The following MAP2K5 variants were observed in gnomAD, a reference collection of about 807,000 sequenced individuals.
MAP2K5 encodes mitogen-activated protein kinase kinase 5, also known as dual specificity mitogen-activated protein kinase kinase 5.
In MAP2K5, 49 loss-of-function variants were observed where a neutral mutation model predicts 83.1. That is an observed-to-expected ratio of 0.59 (90% CI 0.47 to 0.75). The LOEUF (loss-of-function observed/expected upper bound fraction) is 0.75. Among genes scored for constraint, MAP2K5 ranks in the 30% least tolerant of loss-of-function variants. The pLI, the probability that MAP2K5 is intolerant of heterozygous loss-of-function variation, is 0.00. For synonymous variants in MAP2K5, 202 were observed against 191.8 expected (o/e 1.05, Z -0.44); for missense variants, 457 against 557.5 (o/e 0.82, Z 1.82).
At chr15:67,705,956 G>A (rs544749010) in intron 16 of MAP2K5, among the ~76,000 whole-genome samples, 2 of 152,226 alleles carry the variant, frequency 1.3e-5, no homozygotes, top group South Asian at 2.1e-4. Context: ...TAGAGAGGTA[G>A]CCAGGGGCCA....
intron 3 of MAP2K5, among the ~76,000 whole-genome samples, chr15:67,578,428 C>T (rs2085109755): frequency 6.6e-6 from 1 of 152,198 alleles, no homozygotes; most frequent in African/African-American, 2.4e-5. Context: ...TGATTACCTC[C>T]CTTTACAGCA....
Position 67,802,302 on chromosome 15 carries a change from A to G in MAP2K5, c.1243-4344A>G, listed in dbSNP as rs1489997152. The stretch of plus-strand genomic sequence containing the variant: ...TGAGAGGGAGCGGTGAGCAACCACA[A>G]TTCATCTTCATGACTATGATATTTT... On this transcript the variant is annotated intron_variant, in intron 21 of 21. Coordinates refer to ENST00000178640, the MANE Select transcript of MAP2K5 (RefSeq NM_145160.3). This position sits in a 1 kb window ranked among gnomAD's most constrained non-coding sequence, Gnocchi z 5.0. Among the ~76,000 whole-genome samples, 4 of 150,756 alleles carry G rather than the reference A, an allele frequency of 2.7e-5. No individual in the cohort carries two copies. Among genetic ancestry groups the G allele is most frequent in the African/African-American group, 5.0e-5 (2 of 40,052 alleles).
intron 7 of MAP2K5, among the ~76,000 whole-genome samples, chr15:67,600,188 T>C (rs2085624284): frequency 6.6e-6 from 1 of 152,234 alleles, no homozygotes; most frequent in Non-Finnish European, 1.5e-5. Flanking sequence ...CTATATCTAC[T>C]CTAGGAAAAT....
intron 8 of MAP2K5, among the ~76,000 whole-genome samples, chr15:67,623,311 A>G (rs1255296686): frequency 6.6e-6 from 1 of 152,206 alleles, no homozygotes. Flanking sequence ...AGAGATAAAC[A>G]TGGTAAGAAA....
intron 3 of MAP2K5, among the ~76,000 whole-genome samples, chr15:67,574,519 C>T (rs1327275180): frequency 6.6e-6 from 1 of 150,968 alleles, no homozygotes; most frequent in Non-Finnish European, 1.5e-5. Context: ...TTGTATTGAG[C>T]CAGGATCGCA....
Position 67,748,487 on chromosome 15 carries a change from A to G in MAP2K5, c.1102-82A>G. On this transcript the variant is annotated intron_variant, in intron 18 of 21. Coordinates refer to ENST00000178640, the MANE Select transcript of MAP2K5 (RefSeq NM_145160.3). The surrounding 1 kb of genome is among the most constrained non-coding windows in gnomAD (Gnocchi z 4.0). ...GATTAATCTTGCTATATTTTATTGCATTAATGATTTTTTCTTTCCACTCCA... is the reference window on the plus strand; with the variant it reads ...GATTAATCTTGCTATATTTTATTGCGTTAATGATTTTTTCTTTCCACTCCA... The G allele has an allele frequency of 8.4e-7, 1 of 1,188,516 alleles. No individual in the cohort carries two copies. Among genetic ancestry groups the G allele is most frequent in the Non-Finnish European group, 1.2e-6 (1 of 808,994 alleles). 73.6% of individuals were successfully genotyped at this position (1,188,516 alleles called of 1,614,324 possible).
rs938316068 is a variant in MAP2K5 at position 67,644,691 on chromosome 15, G to A, written c.586-1540G>A. ...GCTCTGTGGCTCCCAGGAGGGAAAC[G>A]TGGTTTCCTCCTCACTCAAAAGAAG... On this transcript the variant is annotated intron_variant, in intron 9 of 21. Coordinates refer to ENST00000178640, the MANE Select transcript of MAP2K5 (RefSeq NM_145160.3). The surrounding 1 kb of genome is among the most constrained non-coding windows in gnomAD (Gnocchi z 4.6). 6.6e-6 allele frequency among the ~76,000 whole-genome samples: 1 copy of A among 151,936 alleles called. No individual in the cohort carries two copies. Among genetic ancestry groups the A allele is most frequent in the African/African-American group, 2.4e-5 (1 of 41,340 alleles).
chr15:67,713,928 G>A (rs1261781463), intron 16 of MAP2K5, among the ~76,000 whole-genome samples: 1 of 152,118 alleles, frequency 6.6e-6, no homozygotes, highest in East Asian at 1.9e-4. Context: ...TCACATATTG[G>A]CACCAACACT....
In MAP2K5 at chr15:67,676,034, C is replaced by T. The variant is rs1478673729; in HGVS notation, c.847+11389C>T. Among the ~76,000 whole-genome samples the T allele has an allele frequency of 6.6e-6, 1 of 152,194 alleles. No homozygotes were observed. The highest frequency in any genetic ancestry group is 1.5e-5 in the Non-Finnish European group (1 of 68,024). ...GCAGGGGATTGGGATTTGAAGCAGACTGTGTGATCGTTGTGTGTTTTGGCT... is the reference window on the plus strand; with the variant it reads ...GCAGGGGATTGGGATTTGAAGCAGATTGTGTGATCGTTGTGTGTTTTGGCT... On this transcript the variant is annotated intron_variant, in intron 13 of 21. Transcript: ENST00000178640. The surrounding 1 kb of genome is among the most constrained non-coding windows in gnomAD (Gnocchi z 4.8).
Position 67,698,140 on chromosome 15 carries a change from G to A in MAP2K5, c.972+4572G>A, listed in dbSNP as rs973643901. Among the ~76,000 whole-genome samples the A allele has an allele frequency of 6.6e-6, 1 of 152,032 alleles. No homozygotes were observed. The highest frequency in any genetic ancestry group is 1.5e-5 in the Non-Finnish European group (1 of 67,972). On this transcript the variant is annotated intron_variant, in intron 15 of 21. Transcript: ENST00000178640. The surrounding 1 kb of genome is among the most constrained non-coding windows in gnomAD (Gnocchi z 4.5). ...GATTTTATCCATAAGAATTATAAAA[G>A]GGGTCTGGAAACTTGGAGCTTATAT...
chr15:67,586,665 T>C (rs1327673089), intron 5 of MAP2K5, among the ~76,000 whole-genome samples, 181 bp from the exon 6 acceptor site: 2 of 152,212 alleles, frequency 1.3e-5, no homozygotes, highest in African/African-American at 4.8e-5. Flanking sequence ...TAGAATATTA[T>C]GTAATGTATG....
At chr15:67,609,083 G>A (rs1464376291) in intron 8 of MAP2K5, among the ~76,000 whole-genome samples, 1 of 152,176 alleles carries the variant, frequency 6.6e-6, no homozygotes, top group Non-Finnish European at 1.5e-5. Context: ...GTTCAGAACT[G>A]CTGAGAAAAG....
chr15:67,556,129 C>T (rs2084618800), intron 2 of MAP2K5, among the ~76,000 whole-genome samples: 1 of 152,100 alleles, frequency 6.6e-6, no homozygotes, highest in African/African-American at 2.4e-5. Context: ...TCGTCTTTGC[C>T]TGTTTTTCTA....
chr15:67,696,908 G>A (rs903603999), intron 15 of MAP2K5, among the ~76,000 whole-genome samples: 10 of 152,230 alleles, frequency 6.6e-5, no homozygotes, highest in Admixed American at 6.5e-5. Context: ...GAACCCGGGA[G>A]GCGGAGGTTG....
Position 67,720,769 on chromosome 15 carries a change from G to A in MAP2K5, c.1045-7147G>A, listed in dbSNP as rs947478393. 2.0e-5 allele frequency among the ~76,000 whole-genome samples: 3 copies of A among 152,180 alleles called. No individual in the cohort carries two copies. Among genetic ancestry groups the A allele is most frequent in the Admixed American group, 6.5e-5 (1 of 15,284 alleles). The stretch of plus-strand genomic sequence containing the variant: ...TTATGGGCCTTTGCTTCAGTGGCTC[G>A]AAAGCACATATGCTCCAGTCACAGC... On this transcript the variant is annotated intron_variant, in intron 16 of 21. Transcript: ENST00000178640. This position sits in a 1 kb window ranked among gnomAD's most constrained non-coding sequence, Gnocchi z 5.7.
chr15:67,658,437 C>A, intron 11 of MAP2K5, 116 bp from the exon 12 acceptor site: 1 of 760,924 alleles, frequency 1.3e-6, no homozygotes, highest in South Asian at 1.6e-5. Flanking sequence ...TACTACACAT[C>A]CAATGCATGC....
chr15:67,636,885 A>G lies in MAP2K5; in HGVS notation c.585+5958A>G, dbSNP rs1265113078. Among the ~76,000 whole-genome samples, 1 of 152,100 alleles carries G rather than the reference A, an allele frequency of 6.6e-6. No homozygotes were observed. Among genetic ancestry groups the G allele is most frequent in the Non-Finnish European group, 1.5e-5 (1 of 68,016 alleles). ...AACATTTGAGTCAGTGGGCTGGGAG[A>G]GGCAGACCCACCTGCAATCTGGGTG... On this transcript the variant is annotated intron_variant, in intron 9 of 21. Coordinates refer to ENST00000178640, the MANE Select transcript of MAP2K5 (RefSeq NM_145160.3). This position sits in a 1 kb window ranked among gnomAD's most constrained non-coding sequence, Gnocchi z 4.7.
At chr15:67,610,953 T>C (rs1481127314) in intron 8 of MAP2K5, among the ~76,000 whole-genome samples, 9 of 152,228 alleles carry the variant, frequency 5.9e-5, no homozygotes, top group Non-Finnish European at 1.3e-4. Context: ...TTTTGTCTTG[T>C]GAATTTAAAT....
chr15:67,604,818 C>A (rs2085743521), intron 8 of MAP2K5, among the ~76,000 whole-genome samples: 1 of 151,736 alleles, frequency 6.6e-6, no homozygotes, highest in Non-Finnish European at 1.5e-5. Context: ...TAGCTTGAAC[C>A]CGGGAGGTGG....
Sources: gnomAD v4.1 joint callset for allele counts (sites outside exome capture counted in the v4.1 genomes callset) on GRCh38, gnomAD v4.1.1 for gene constraint, Gnocchi (gnomAD v3.1) non-coding constraint, MANE v1.5 for transcripts, NCBI Gene and HGNC (gene_info 2026-07-23, HGNC 2026-07-21) for gene names.